The following PCDHA2 variants were observed in gnomAD, a reference collection of about 807,000 sequenced individuals.
PCDHA2 encodes protocadherin alpha 2, also known as protocadherin alpha-2.
PCDHA2 carries 58 observed loss-of-function variants against 66.0 expected under a neutral mutation model. That is an observed-to-expected ratio of 0.88 (90% confidence interval 0.71 to 1.09). PCDHA2 has a LOEUF of 1.09. PCDHA2 is among the 50% of genes least tolerant of loss of function. The probability of loss-of-function intolerance (pLI) is 0.00; values close to 1 mark genes in which losing one functional copy is unlikely to be tolerated. For synonymous variants in PCDHA2, 634 were observed against 554.0 expected (o/e 1.14, Z -2.03); for missense variants, 1,267 against 1,242.3 (o/e 1.02, Z -0.30).
intron 1 of PCDHA2, among the ~76,000 whole-genome samples, chr5:140,846,576 A>G (rs1780570619): frequency 6.7e-6 from 1 of 148,418 alleles, no homozygotes; most frequent in African/African-American, 2.5e-5. Context: ...GGGTTTCACC[A>G]TGTTAGCCAG....
intron 1 of PCDHA2, chr5:140,834,302 A>T: frequency 7.7e-7 from 1 of 1,294,438 alleles, no homozygotes; most frequent in East Asian, 2.3e-5. Context: ...CCACACATCG[A>T]GATTGAAATG....
intron 3 of PCDHA2, among the ~76,000 whole-genome samples, chr5:140,995,128 C>T (rs2097665772): frequency 6.6e-6 from 1 of 152,146 alleles, no homozygotes; most frequent in African/African-American, 2.4e-5. Context: ...ATGCCTGAAA[C>T]CTCATTTAGT....
rs782231259 is a variant in PCDHA2, at chr5:140,797,038, A to T, written c.2074A>T (p.Thr692Ser). Reference protein sequence around the residue: ...AWVGAAGSEATLVDVNVYLII... With the variant: ...AWVGAAGSEASLVDVNVYLII... ...GGTGGGCGCCGCGGGCTCAGAGGCT[A>T]CGCTGGTGGATGTCAACGTGTACCT... Residue 692 changes from threonine (T) to serine (S), a missense_variant, in exon 1 of 4, where the codon ACG (threonine) becomes TCG (serine). Transcript: ENST00000526136. 1.4e-5 allele frequency: 23 copies of T among 1,613,592 alleles called. No individual in the cohort carries two copies. In the East Asian group the frequency reaches 4.9e-4, roughly 34 times the overall value.
chr5:140,853,955 T>C (rs1554146923), intron 1 of PCDHA2: 2 of 752,526 alleles, frequency 2.7e-6, no homozygotes, highest in Non-Finnish European at 3.3e-6. Context: ...GGTCCCTTCC[T>C]TGAGCCCAGC....
intron 1 of PCDHA2, chr5:140,967,345 CGAGCTG>C (rs1443872198): frequency 1.2e-6 from 2 of 1,607,634 alleles, no homozygotes; most frequent in Non-Finnish European, 1.7e-6. Context: ...GCGAGCACTT[CGAGCTG>C]GACCTTAAGC....
intron 1 of PCDHA2, among the ~76,000 whole-genome samples, chr5:140,936,021 T>TA (rs2090725097): frequency 1.3e-5 from 2 of 151,374 alleles, no homozygotes; most frequent in African/African-American, 4.9e-5. Flanking sequence ...GCCTCCCGAG[T>TA]AGCGGGGATT....
chr5:140,930,892 TTTAAC>T, intron 1 of PCDHA2, among the ~76,000 whole-genome samples: 1 of 152,332 alleles, frequency 6.6e-6, no homozygotes, highest in African/African-American at 2.4e-5. Context: ...AGGGAAAAAC[TTTAAC>T]TTACTTTTCT....
At chr5:140,835,832 C>T in intron 1 of PCDHA2, 1 of 1,612,382 alleles carries the variant, frequency 6.2e-7, no homozygotes, top group Non-Finnish European at 8.5e-7. Flanking sequence ...GGGACGCGGA[C>T]GCGCAGAAGA....
At chr5:140,819,812 G>T (rs1000166863) in intron 1 of PCDHA2, among the ~76,000 whole-genome samples, 2 of 152,040 alleles carry the variant, frequency 1.3e-5, no homozygotes, top group Admixed American at 1.3e-4. Flanking sequence ...ACTGAGAGGA[G>T]CATGTGAACT....
At chr5:140,948,563 AT>A (rs1400147953) in intron 1 of PCDHA2, among the ~76,000 whole-genome samples, 1 of 151,546 alleles carries the variant, frequency 6.6e-6, no homozygotes, top group East Asian at 1.9e-4. Context: ...GTTAAGTTGT[AT>A]TTTTTAAAGG....
At chr5:140,935,178 G>C (rs2090229039) in intron 1 of PCDHA2, among the ~76,000 whole-genome samples, 2 of 152,146 alleles carry the variant, frequency 1.3e-5, no homozygotes, top group African/African-American at 4.8e-5. Context: ...GCTTATTGCT[G>C]CTGGGTCAGT....
chr5:140,855,892 G>A, intron 1 of PCDHA2: 3 of 1,011,396 alleles, frequency 3.0e-6, no homozygotes, highest in Non-Finnish European at 4.3e-6. Context: ...TAGAACAAAG[G>A]CATCAGCCAG....
rs534595431 is a variant in PCDHA2 at position 140,908,278 on chromosome 5, TG to T, written c.2389-70670del. On this transcript the variant is annotated intron_variant, in intron 1 of 3. Coordinates refer to ENST00000526136, the MANE Select transcript of PCDHA2 (RefSeq NM_018905.3). Reference sequence around the variant, plus strand: ...CATAGGGAACTCCCCATGAGGCCATTGTTGCAAGCTGGGGAAGAGAAGGAAG... The same window carrying T: ...CATAGGGAACTCCCCATGAGGCCATTTTGCAAGCTGGGGAAGAGAAGGAAG... Among the ~76,000 whole-genome samples the T allele has an allele frequency of 1.3e-3, 196 of 152,290 alleles. 1 individual carries two copies. Among genetic ancestry groups the T allele is most frequent in the African/African-American group, 4.6e-3 (191 of 41,570 alleles).
At chr5:140,877,721 A>G in intron 1 of PCDHA2, 1 of 1,614,000 alleles carries the variant, frequency 6.2e-7, no homozygotes, top group East Asian at 2.2e-5. Context: ...AGTTGGTCTT[A>G]CTCGCAGCAG....
At chr5:140,983,513 C>G (rs893446292) in intron 3 of PCDHA2, among the ~76,000 whole-genome samples, 1 of 152,196 alleles carries the variant, frequency 6.6e-6, no homozygotes, top group South Asian at 2.1e-4. Flanking sequence ...TGCCTAGACA[C>G]TGTGCCAAGT....
At chr5:140,866,070 T>C (rs1446078370) in intron 1 of PCDHA2, 1 of 152,178 alleles carries the variant, frequency 6.6e-6, no homozygotes, top group Non-Finnish European at 1.5e-5. Flanking sequence ...CACACTGAGA[T>C]AGGTATTTTG....
At chr5:140,823,233 C>G (rs1423575450) in intron 1 of PCDHA2, 1 of 1,613,492 alleles carries the variant, frequency 6.2e-7, no homozygotes, top group Non-Finnish European at 8.5e-7. Flanking sequence ...CGCAGGAGAA[C>G]GCCCTGGTGT....
In PCDHA2 at chr5:140,882,320, C is replaced by T. The variant is rs374687530; in HGVS notation, c.2388+84968C>T. The T allele has an allele frequency of 2.8e-5, 45 of 1,614,182 alleles. No homozygotes were observed. The African/African-American group carries it at 5.6e-4, about 20-fold the overall frequency. On this transcript the variant is annotated intron_variant, in intron 1 of 3. Coordinates refer to ENST00000526136, the MANE Select transcript of PCDHA2 (RefSeq NM_018905.3). ...AAGACCGCGGCAACTACTGCTCTGG[C>T]TTCTGATCCTCGCAGCCTGGGAGAC... is the stretch of plus-strand genomic sequence containing the variant.
chr5:140,899,005 G>A (rs1220603725), intron 1 of PCDHA2, among the ~76,000 whole-genome samples: 1 of 151,848 alleles, frequency 6.6e-6, no homozygotes, highest in Non-Finnish European at 1.5e-5. Context: ...TGTTATTGGT[G>A]TATAAGAATG....
Sources: gnomAD v4.1 joint callset for allele counts (sites outside exome capture counted in the v4.1 genomes callset) on GRCh38, gnomAD v4.1.1 for gene constraint, MANE v1.5 for transcripts, NCBI Gene and HGNC (gene_info 2026-07-23, HGNC 2026-07-21) for gene names.